Variants in STX18 observed in about 807,000 individuals in gnomAD.
STX18 encodes the protein syntaxin-18.
STX18 carries 40 observed loss-of-function variants against 50.1 expected under a neutral mutation model. The observed-to-expected ratio is 0.80, with a 90% CI of 0.62 to 1.04. The LOEUF is 1.04. Ranked by LOEUF, STX18 falls within the 50% of genes least tolerant of loss-of-function variation. The probability of loss-of-function intolerance (pLI) is 0.00; values close to 1 mark genes in which losing one functional copy is unlikely to be tolerated. For missense variants in STX18, 410 were observed against 415.8 expected (o/e 0.99, Z 0.12); for synonymous variants, 158 against 151.8 (o/e 1.04, Z -0.30).
At chr4:4,524,505 A>C (rs931637685) in intron 1 of STX18, among the ~76,000 whole-genome samples, 1 of 152,232 alleles carries the variant, frequency 6.6e-6, no homozygotes, top group Admixed American at 6.5e-5. Context: ...AGAGAAAGTG[A>C]AACCCAGTCA....
intron 1 of STX18, among the ~76,000 whole-genome samples, chr4:4,493,774 T>C (rs549721782): frequency 6.6e-6 from 1 of 152,340 alleles, no homozygotes; most frequent in African/African-American, 2.4e-5. Flanking sequence ...ACAGTATGCT[T>C]AGAAAAACAA....
intron 1 of STX18, among the ~76,000 whole-genome samples, chr4:4,540,243 A>C (rs1019205754): frequency 1.3e-5 from 2 of 152,220 alleles, no homozygotes; most frequent in Non-Finnish European, 2.9e-5. Flanking sequence ...CAGGGTTCAG[A>C]CAACAACCTC....
chr4:4,490,373 G>A (rs543899302), intron 1 of STX18, among the ~76,000 whole-genome samples: 2 of 152,204 alleles, frequency 1.3e-5, no homozygotes, highest in Admixed American at 6.5e-5. Flanking sequence ...GAGTTGTACT[G>A]AACACAAAAT....
At chr4:4,445,060 C>CT (rs1726317650) in intron 5 of STX18, among the ~76,000 whole-genome samples, 2 of 152,146 alleles carry the variant, frequency 1.3e-5, no homozygotes, top group Non-Finnish European at 2.9e-5. Flanking sequence ...AGCAAAACTA[C>CT]TGTTATTCAC....
rs561237506 is a variant in STX18 at position 4,471,506 on chromosome 4, C to T, written c.236+133G>A. ...AGCCTTTTGCTTTGAGGAGATTTTT[C>T]CACTGCCAAACTGGTCTTCCTCATT... On this transcript the variant is annotated intron_variant, in intron 2 of 10. Transcript: ENST00000306200. 1.8e-4 allele frequency: 101 copies of T among 564,112 alleles called. No homozygotes were observed. In the Middle Eastern group the frequency reaches 4.8e-3, roughly 27 times the overall value. The allele number at this position is 564,112 out of a possible 1,614,324, so 34.9% of individuals were successfully genotyped here.
chr4:4,463,145 T>C (rs1397325138), intron 2 of STX18, among the ~76,000 whole-genome samples: 2 of 152,214 alleles, frequency 1.3e-5, no homozygotes, highest in African/African-American at 2.4e-5. Context: ...CCTCCCACTG[T>C]TGGCTTTGCA....
chr4:4,433,058 CA>C (rs1725591913), intron 7 of STX18, among the ~76,000 whole-genome samples: 1 of 152,342 alleles, frequency 6.6e-6, no homozygotes, highest in South Asian at 2.1e-4. Flanking sequence ...GGAAAAAAAG[CA>C]CAGGTTGGAG....
chr4:4,515,252 T>A (rs1308498422), intron 1 of STX18, among the ~76,000 whole-genome samples: 1 of 152,136 alleles, frequency 6.6e-6, no homozygotes, highest in East Asian at 1.9e-4. Flanking sequence ...AATGATTACT[T>A]CTAATAAATA....
At chr4:4,458,905 T>C (rs1281641115) in intron 3 of STX18, among the ~76,000 whole-genome samples, 1 of 152,112 alleles carries the variant, frequency 6.6e-6, no homozygotes, top group Non-Finnish European at 1.5e-5. Context: ...GAAGGTTTGA[T>C]AGGAAAGTTT....
intron 1 of STX18, among the ~76,000 whole-genome samples, chr4:4,516,702 C>T (rs1394137326): frequency 6.6e-6 from 1 of 152,048 alleles, no homozygotes; most frequent in Non-Finnish European, 1.5e-5. Flanking sequence ...ACGTGCTATG[C>T]ATTTTTATTT....
intron 1 of STX18, among the ~76,000 whole-genome samples, chr4:4,528,806 T>G (rs1381661195): frequency 6.6e-6 from 1 of 152,144 alleles, no homozygotes; most frequent in Non-Finnish European, 1.5e-5. Context: ...GCCAATGCAG[T>G]GGTTAAAAAG....
intron 1 of STX18, among the ~76,000 whole-genome samples, chr4:4,520,712 C>G (rs1250024231): frequency 2.0e-5 from 3 of 151,974 alleles, no homozygotes; most frequent in African/African-American, 7.3e-5. Flanking sequence ...ACCAAAGCTT[C>G]CCAAATGGAA....
At chr4:4,497,657 C>T (rs1397059211) in intron 1 of STX18, among the ~76,000 whole-genome samples, 2 of 152,172 alleles carry the variant, frequency 1.3e-5, no homozygotes, top group African/African-American at 2.4e-5. Context: ...CAATATCCCT[C>T]AGCTAGTACA....
intron 1 of STX18, among the ~76,000 whole-genome samples, chr4:4,501,565 C>A (rs141965750): frequency 6.6e-6 from 1 of 152,304 alleles, no homozygotes; most frequent in Middle Eastern, 3.4e-3. Flanking sequence ...CATGACCTCT[C>A]AGACTGTTTT....
intron 6 of STX18, among the ~76,000 whole-genome samples, chr4:4,437,918 T>C (rs1306206248): frequency 2.6e-5 from 4 of 152,224 alleles, no homozygotes; most frequent in African/African-American, 4.8e-5. Flanking sequence ...TTCTAAGCCA[T>C]GGGCCCTCTA....
intron 1 of STX18, among the ~76,000 whole-genome samples, chr4:4,477,161 T>C (rs1728224591): frequency 6.6e-6 from 1 of 152,210 alleles, no homozygotes; most frequent in Non-Finnish European, 1.5e-5. Flanking sequence ...GAGAATCACT[T>C]GAACCCTGGA....
chr4:4,542,017 G>T lies in STX18; in HGVS notation c.-53C>A. 3 of 1,492,208 alleles carry T rather than the reference G, an allele frequency of 2.0e-6. No homozygotes were observed. Among genetic ancestry groups the T allele is most frequent in the South Asian group, 1.3e-5 (1 of 75,720 alleles). The allele number at this position is 1,492,208 out of a possible 1,614,324, so 92.4% of individuals were successfully genotyped here. A position where few individuals can be genotyped will look rare whatever the true frequency, so the allele number is the denominator to read the frequency against. On this transcript the variant is annotated 5_prime_UTR_variant, in exon 1 of 11. Transcript: ENST00000306200. Reference sequence around the variant, plus strand: ...AGGCCCGCCCACGTAAGCAGCCGGCGACCGCGGCGCGAACCCGGCCGCTGA... The same window carrying T: ...AGGCCCGCCCACGTAAGCAGCCGGCTACCGCGGCGCGAACCCGGCCGCTGA...
At chr4:4,471,972 G>A (rs138561749) in intron 1 of STX18, among the ~76,000 whole-genome samples, 173 of 152,304 alleles carry the variant, frequency 1.1e-3, no homozygotes, top group African/African-American at 3.9e-3. Context: ...GACGAAATGA[G>A]ATAATGCATG....
chr4:4,483,478 C>T (rs1728555035), intron 1 of STX18, among the ~76,000 whole-genome samples: 1 of 152,234 alleles, frequency 6.6e-6, no homozygotes, highest in Admixed American at 6.5e-5. Flanking sequence ...TTACTAACTT[C>T]AATCTAATTA....
Sources: gnomAD v4.1 joint callset for allele counts (sites outside exome capture counted in the v4.1 genomes callset) on GRCh38, gnomAD v4.1.1 for gene constraint, MANE v1.5 for transcripts, NCBI Gene and HGNC (gene_info 2026-07-23, HGNC 2026-07-21) for gene names.